Variants in OTULINL observed in about 807,000 individuals in gnomAD.
OTULINL encodes inactive ubiquitin thioesterase OTULINL.
In OTULINL, 42 loss-of-function variants were observed where a neutral mutation model predicts 43.9. The ratio of observed to expected loss-of-function variants is 0.96; its 90% CI spans 0.75 to 1.24. The LOEUF (loss-of-function observed/expected upper bound fraction) is 1.24. Ranked by LOEUF, OTULINL falls within the 50% of genes most tolerant of loss-of-function variation. The pLI is 0.00. For synonymous variants in OTULINL, 172 were observed against 153.6 expected (o/e 1.12, Z -0.88); for missense variants, 411 against 426.4 (o/e 0.96, Z 0.32).
chr5:14,586,650 C>T (rs924724564), intron 1 of OTULINL, among the ~76,000 whole-genome samples: 13 of 152,262 alleles, frequency 8.5e-5, no homozygotes, highest in Admixed American at 2.0e-4. Context: ...TCTTTCTCCT[C>T]TTGCCATATT....
At chr5:14,602,475 AC>A in intron 5 of OTULINL, 143 bp downstream of exon 5, 1 of 700,532 alleles carries the variant, frequency 1.4e-6, no homozygotes, top group Non-Finnish European at 2.3e-6. Context: ...TCTCACTGTC[AC>A]CCAGGATTGA....
rs1435807387 is a variant in OTULINL at position 14,614,864 on chromosome 5, C to T, written c.*4550C>T. The stretch of plus-strand genomic sequence containing the variant: ...TCTGTATGTAATTGACGTATTGGTC[C>T]TTATAGTCAGTACCATCAGGTCTTA... On this transcript the variant is annotated 3_prime_UTR_variant, in exon 8 of 8. Coordinates refer to ENST00000274217, the MANE Select transcript of OTULINL (RefSeq NM_019018.3). The T allele has an allele frequency of 7.5e-6, 3 of 397,480 alleles. No homozygotes were observed. The highest frequency in any genetic ancestry group is 7.1e-5 in the East Asian group (2 of 28,082). 24.6% of individuals were successfully genotyped at this position (397,480 alleles called of 1,614,324 possible).
chr5:14,591,792 T>A (rs1023030978), intron 1 of OTULINL, among the ~76,000 whole-genome samples: 2 of 152,118 alleles, frequency 1.3e-5, no homozygotes, highest in Non-Finnish European at 2.9e-5. Flanking sequence ...GAATGTATCA[T>A]CTAAAACAGG....
rs780549190 is a variant in OTULINL at position 14,601,445 on chromosome 5, G to C, written c.348+3G>C. 1.2e-6 allele frequency: 2 copies of C among 1,612,598 alleles called. No individual in the cohort carries two copies. The highest frequency in any genetic ancestry group is 2.2e-5 in the South Asian group (2 of 90,944). ...CCCGTAACAAGCTGATGAGGAAGGTGTGTCTGTTTTTAGAGGGTATGGGAG... is the reference window on the plus strand; with the variant it reads ...CCCGTAACAAGCTGATGAGGAAGGTCTGTCTGTTTTTAGAGGGTATGGGAG... On this transcript the variant is annotated splice_donor_region_variant and intron_variant, in intron 4 of 7. Coordinates refer to ENST00000274217, the MANE Select transcript of OTULINL (RefSeq NM_019018.3).
intron 1 of OTULINL, among the ~76,000 whole-genome samples, chr5:14,594,072 G>C (rs1462237748): frequency 6.6e-6 from 1 of 152,124 alleles, no homozygotes; most frequent in Non-Finnish European, 1.5e-5. Flanking sequence ...AAGTTCAGAT[G>C]GTCCTTTGAG....
At chr5:14,582,070 C>T (rs1759010461) in intron 1 of OTULINL, 112 bp downstream of exon 1, 1 of 745,282 alleles carries the variant, frequency 1.3e-6, no homozygotes, top group African/African-American at 1.9e-5. Flanking sequence ...CCTTCGCTGC[C>T]TGTTGGGGGC....
At position 14,614,306 on chromosome 5, in the gene OTULINL, G is replaced by A. The variant is rs977799360; in HGVS notation, c.*3992G>A. 7.9e-5 allele frequency among the ~76,000 whole-genome samples: 12 copies of A among 152,068 alleles called. No individual in the cohort carries two copies. The highest frequency in any genetic ancestry group is 2.7e-4 in the African/African-American group (11 of 41,392). On this transcript the variant is annotated 3_prime_UTR_variant, in exon 8 of 8. Transcript: ENST00000274217. The stretch of plus-strand genomic sequence containing the variant: ...TAATTAACTTATTGACTATATATGG[G>A]TATACTTTTCTCTATAGCCATTCAC...
At chr5:14,597,929 G>C (rs1461580751) in intron 1 of OTULINL, among the ~76,000 whole-genome samples, 16 of 152,192 alleles carry the variant, frequency 1.1e-4, no homozygotes, top group Admixed American at 1.0e-3. Context: ...CAATCTCTTG[G>C]ATTGTAGGTG....
intron 5 of OTULINL, among the ~76,000 whole-genome samples, chr5:14,603,140 G>A (rs1048812231): frequency 6.6e-6 from 1 of 152,188 alleles, no homozygotes; most frequent in African/African-American, 2.4e-5. Context: ...AATTGAATGT[G>A]TCTGTGAATT....
intron 1 of OTULINL, among the ~76,000 whole-genome samples, chr5:14,600,106 G>A (rs1195435429): frequency 1.3e-5 from 2 of 152,194 alleles, no homozygotes; most frequent in Non-Finnish European, 2.9e-5. Context: ...AGTGTCATGG[G>A]AGGGACCCAG....
At position 14,614,868 on chromosome 5, in the gene OTULINL, T is replaced by C. The variant is rs1331801268; in HGVS notation, c.*4554T>C. On this transcript the variant is annotated 3_prime_UTR_variant, in exon 8 of 8. Coordinates refer to ENST00000274217, the MANE Select transcript of OTULINL (RefSeq NM_019018.3). The stretch of plus-strand genomic sequence containing the variant: ...TATGTAATTGACGTATTGGTCCTTA[T>C]AGTCAGTACCATCAGGTCTTAGATT... 2.5e-6 allele frequency: 1 copy of C among 397,566 alleles called. No individual in the cohort carries two copies. Among genetic ancestry groups the C allele is most frequent in the Non-Finnish European group, 4.4e-6 (1 of 225,918 alleles). 24.6% of individuals were successfully genotyped at this position (397,566 alleles called of 1,614,324 possible).
chr5:14,600,932 C>CTTTTTTTTT (rs5866109), intron 1 of OTULINL, 33 bp from the exon 2 acceptor site: 2 of 1,085,964 alleles, frequency 1.8e-6, no homozygotes, highest in Non-Finnish European at 2.3e-6. Flanking sequence ...TTGTGATGTG[C>CTTTTTTTTT]TTTTTTTTTT....
At chr5:14,587,432 C>T (rs756433156) in intron 1 of OTULINL, among the ~76,000 whole-genome samples, 1 of 152,224 alleles carries the variant, frequency 6.6e-6, no homozygotes, top group African/African-American at 2.4e-5. Flanking sequence ...TGGTGGCACT[C>T]ATGTCAGTGG....
Position 14,581,898 on chromosome 5 carries a change from G to A in OTULINL, c.4G>A (p.Ala2Thr). The change falls in exon 1 of 8, where the codon GCG becomes ACG. Residue 2 changes from alanine (A) to threonine (T), a missense_variant. Ala to Thr is a moderately conservative substitution (Grantham distance 58). Coordinates refer to ENST00000274217, the MANE Select transcript of OTULINL (RefSeq NM_019018.3). M[A>T]ATRSPTRARE... ...GCCCGTCCGCAGCGCGGCCGGCATG[G>A]CGGCGACAAGGAGCCCCACGCGGGC... 2 of 1,414,266 alleles carry A rather than the reference G, an allele frequency of 1.4e-6. No homozygotes were observed. Among genetic ancestry groups the A allele is most frequent in the Admixed American group, 2.7e-5 (1 of 36,906 alleles). 87.6% of individuals were successfully genotyped at this position (1,414,266 alleles called of 1,614,324 possible).
chr5:14,614,189 A>G lies in OTULINL; in HGVS notation c.*3875A>G, dbSNP rs1230721143. 6.4e-5 allele frequency among the ~76,000 whole-genome samples: 4 copies of G among 62,990 alleles called. No individual in the cohort carries two copies. In the East Asian group the frequency reaches 1.4e-3, roughly 21 times the overall value. 41.3% of individuals were successfully genotyped at this position (62,990 alleles called of 152,430 possible). A position where few individuals can be genotyped will look rare whatever the true frequency, so the allele number is the denominator to read the frequency against. On this transcript the variant is annotated 3_prime_UTR_variant, in exon 8 of 8. Coordinates refer to ENST00000274217, the MANE Select transcript of OTULINL (RefSeq NM_019018.3). ...GCTTAATAAGACCAGTTAATGTGTA[A>G]AACAGAAAAAAGTATATATATATCA...
In OTULINL at chr5:14,612,928, AT is replaced by A. The variant is rs34420993; in HGVS notation, c.*2625del. On this transcript the variant is annotated 3_prime_UTR_variant, in exon 8 of 8. Coordinates refer to ENST00000274217, the MANE Select transcript of OTULINL (RefSeq NM_019018.3). ...ATAACATATAGTTTATATTTTAACA[AT>A]TTTTTTTTTTGAGACGGAGTTTCAC... is the stretch of plus-strand genomic sequence containing the variant. Among the ~76,000 whole-genome samples, 135,131 of 150,670 alleles carry A rather than the reference AT, an allele frequency of 0.9. 60,715 individuals are homozygous for A. The highest frequency in any genetic ancestry group is 0.94 in the Middle Eastern group (272 of 290).
At chr5:14,589,292 G>A (rs1759158537) in intron 1 of OTULINL, among the ~76,000 whole-genome samples, 1 of 152,208 alleles carries the variant, frequency 6.6e-6, no homozygotes, top group Admixed American at 6.5e-5. Flanking sequence ...GAGAAGTGAT[G>A]TTTGAGCTGA....
intron 1 of OTULINL, among the ~76,000 whole-genome samples, chr5:14,594,604 G>C (rs1033588364): frequency 2.0e-5 from 3 of 152,176 alleles, no homozygotes; most frequent in Non-Finnish European, 2.9e-5. Flanking sequence ...TCCAGCCCAG[G>C]GGGGAAGAAG....
intron 1 of OTULINL, among the ~76,000 whole-genome samples, chr5:14,588,178 T>G (rs1008226578): frequency 6.6e-6 from 1 of 152,204 alleles, no homozygotes; most frequent in East Asian, 1.9e-4. Context: ...TGAATGTCAG[T>G]TATTTCACAA....
Sources: allele counts gnomAD v4.1 joint callset (sites outside exome capture counted in the v4.1 genomes callset), GRCh38; gene constraint gnomAD v4.1.1; transcripts MANE v1.5; gene names NCBI Gene and HGNC (gene_info 2026-07-23, HGNC 2026-07-21).